The following ANO1 variants were observed in gnomAD, a reference collection of about 807,000 sequenced individuals.
The protein encoded by ANO1 is anoctamin-1.
In ANO1, 59 loss-of-function variants were observed where a neutral mutation model predicts 124.0. That is an observed-to-expected ratio of 0.48 (90% CI 0.39 to 0.59). ANO1 has a LOEUF of 0.59. Among genes scored for constraint, ANO1 ranks in the 20% least tolerant of loss-of-function variants. The pLI is 0.00. For synonymous variants in ANO1, 529 were observed against 532.0 expected, an observed-to-expected ratio of 0.99 and a Z score of 0.08; for missense variants, 1,059 against 1,328.0, an observed-to-expected ratio of 0.80 and a Z score of 3.15.
At chr11:69,998,415 C>T (rs892492954) in intron 1 of ANO1, among the ~76,000 whole-genome samples, 12 of 151,988 alleles carry the variant, frequency 7.9e-5, no homozygotes, top group African/African-American at 2.9e-4. Context: ...TGTCCAGCGT[C>T]CTCGGTTCAG....
At chr11:70,017,553 T>A (rs1387652634) in intron 1 of ANO1, among the ~76,000 whole-genome samples, 1 of 148,270 alleles carries the variant, frequency 6.7e-6, no homozygotes, top group African/African-American at 2.5e-5. Flanking sequence ...TCTTACTCTG[T>A]CACCCAGGCT....
chr11:69,997,995 T>G (rs1396768095), intron 1 of ANO1, among the ~76,000 whole-genome samples: 1 of 152,134 alleles, frequency 6.6e-6, no homozygotes, highest in Non-Finnish European at 1.5e-5. Context: ...AGTGCGAGAA[T>G]GGCCTAATAC....
At chr11:70,042,808 C>T (rs1409513348) in intron 1 of ANO1, among the ~76,000 whole-genome samples, 2 of 152,212 alleles carry the variant, frequency 1.3e-5, no homozygotes, top group Non-Finnish European at 2.9e-5. Flanking sequence ...TTCTCTGTAT[C>T]TGCCCTATCA....
chr11:70,012,661 A>T (rs1555001303), intron 1 of ANO1, among the ~76,000 whole-genome samples: 1 of 150,790 alleles, frequency 6.6e-6, no homozygotes, highest in African/African-American at 2.5e-5. Flanking sequence ...CTATCTATCC[A>T]TCCATTATTC....
In ANO1 at chr11:70,116,442, C is replaced by T; in HGVS notation, c.856-16C>T. 1.3e-6 allele frequency: 2 copies of T among 1,592,606 alleles called. No homozygotes were observed. Among genetic ancestry groups the T allele is most frequent in the Non-Finnish European group, 1.7e-6 (2 of 1,169,300 alleles). On this transcript the variant is annotated splice_polypyrimidine_tract_variant and intron_variant, in intron 7 of 25. Transcript: ENST00000355303. ...CATTGGATGATAAGAACGTCCCTTT[C>T]CTCTTTTTTTAACAGGGAGACTACA...
chr11:70,111,809 C>G (rs1008564217), intron 7 of ANO1, 47 bp downstream of exon 7: 7 of 1,597,710 alleles, frequency 4.4e-6, no homozygotes, highest in Non-Finnish European at 6.0e-6. Context: ...TTTGACTCCC[C>G]AAATCCCGCC....
chr11:70,066,807 C>T (rs1173908076), intron 1 of ANO1, among the ~76,000 whole-genome samples: 1 of 152,162 alleles, frequency 6.6e-6, no homozygotes, highest in Non-Finnish European at 1.5e-5. Context: ...AACCTGACCA[C>T]AGTCATAGAC....
intron 23 of ANO1, 100 bp downstream of exon 23, chr11:70,180,156 C>T: frequency 8.8e-7 from 1 of 1,134,820 alleles, no homozygotes; most frequent in Non-Finnish European, 1.3e-6. Flanking sequence ...TCTTCTGCCT[C>T]TAGCCATGGT....
chr11:70,132,142 G>T (rs2046783514), intron 11 of ANO1, 63 bp downstream of exon 11: 1 of 1,499,528 alleles, frequency 6.7e-7, no homozygotes. Flanking sequence ...TACCTAGGCT[G>T]CTTCTGTCTG....
intron 1 of ANO1, among the ~76,000 whole-genome samples, chr11:70,033,995 G>A (rs373580002): frequency 2.4e-4 from 37 of 151,966 alleles, no homozygotes; most frequent in African/African-American, 7.5e-4. Context: ...CCCCTGCTCC[G>A]TACATCTGTG....
chr11:70,042,535 G>A (rs1555005169), intron 1 of ANO1, among the ~76,000 whole-genome samples: 1 of 151,184 alleles, frequency 6.6e-6, no homozygotes. Context: ...GAGAGAGAGA[G>A]AGATTGAGAG....
chr11:70,031,965 G>A (rs78241365), intron 1 of ANO1, among the ~76,000 whole-genome samples: 4 of 152,038 alleles, frequency 2.6e-5, no homozygotes, highest in African/African-American at 7.2e-5. Context: ...CCCTCCTCAC[G>A]GTCCATCATT....
intron 22 of ANO1, among the ~76,000 whole-genome samples, chr11:70,178,992 G>A (rs2135819421): frequency 6.6e-6 from 1 of 152,310 alleles, no homozygotes; most frequent in South Asian, 2.1e-4. Context: ...TCTAGCTCGG[G>A]GCCACACAGG....
intron 19 of ANO1, among the ~76,000 whole-genome samples, chr11:70,164,700 G>C (rs1448512649): frequency 6.6e-6 from 1 of 152,114 alleles, no homozygotes; most frequent in Non-Finnish European, 1.5e-5. Flanking sequence ...TGCTTGCCGG[G>C]TCCCAGGCCT....
At chr11:70,085,533 C>G in intron 1 of ANO1, 1 of 1,536,124 alleles carries the variant, frequency 6.5e-7, no homozygotes, top group Non-Finnish European at 8.7e-7. Flanking sequence ...TGACCAGGCC[C>G]TCCCAGGTGG....
At chr11:70,144,278 G>A (rs1169110654) in intron 11 of ANO1, among the ~76,000 whole-genome samples, 1 of 152,212 alleles carries the variant, frequency 6.6e-6, no homozygotes, top group Non-Finnish European at 1.5e-5. Flanking sequence ...GCAGTCCTCT[G>A]TCAAGCCCTT....
intron 24 of ANO1, 52 bp downstream of exon 24, chr11:70,182,738 G>A: frequency 7.2e-7 from 1 of 1,389,944 alleles, no homozygotes; most frequent in South Asian, 1.8e-5. Context: ...GGGTTTCTGG[G>A]AGAGCCTGGG....
chr11:70,161,039 G>A lies in ANO1; in HGVS notation c.1579-122G>A, dbSNP rs1590888192. On this transcript the variant is annotated intron_variant, in intron 16 of 25. Transcript: ENST00000355303. ...TGGCAGGTGCCCAAGAAATGTCAGT[G>A]CTTGTTTTGAAGCAGAAGAGCGGGA... The A allele has an allele frequency of 3.2e-6, 3 of 938,484 alleles. No individual in the cohort carries two copies. The East Asian group carries it at 7.9e-5, about 25-fold the overall frequency. 58.1% of individuals were successfully genotyped at this position (938,484 alleles called of 1,614,324 possible).
chr11:69,976,558 A>T, the ANO1 span, among the ~76,000 whole-genome samples: 5 of 93,400 alleles, frequency 5.4e-5, no homozygotes, highest in East Asian at 5.8e-4. Context: ...AAAAAAAGAG[A>T]GAGAGAGAGA....
Sources: allele counts gnomAD v4.1 joint callset (sites outside exome capture counted in the v4.1 genomes callset), GRCh38; gene constraint gnomAD v4.1.1; transcripts MANE v1.5; gene names NCBI Gene and HGNC (gene_info 2026-07-23, HGNC 2026-07-21).